C1QTNF5: variants seen among roughly 807,000 people sequenced by gnomAD.
C1QTNF5 encodes the protein complement C1q tumor necrosis factor-related protein 5.
C1QTNF5 carries 5 observed loss-of-function variants against 10.9 expected under a neutral mutation model. The ratio of observed to expected loss-of-function variants is 0.46; its 90% CI spans 0.24 to 0.97. C1QTNF5 has a LOEUF of 0.97. C1QTNF5 is among the 50% of genes least tolerant of loss of function. C1QTNF5 has a pLI of 0.19. For synonymous variants in C1QTNF5, 161 were observed against 156.5 expected (o/e 1.03, Z -0.22); for missense variants, 281 against 339.4 (o/e 0.83, Z 1.35).
upstream of C1QTNF5, chr11:119,344,284 C>G (rs749992152): frequency 1.0e-5 from 16 of 1,602,894 alleles, no homozygotes; most frequent in Non-Finnish European, 1.3e-5. Flanking sequence ...CGTGTGTGCC[C>G]CTCCCGTTCT....
Position 119,340,200 on chromosome 11 carries a change from G to A in C1QTNF5, c.198C>T (p.Gly66=), listed in dbSNP as rs932268494. The change falls in exon 2 of 3, where the codon GGC becomes GGT. Residue 66 remains glycine (G), a synonymous_variant. Coordinates refer to ENST00000528368, the MANE Select transcript of C1QTNF5 (RefSeq NM_001278431.2). ...CCTTCTTACCCGGCCTCCCGCCCTC[G>A]CCTTTCTCTCCCGGAGCCCCGGGCG... ...DGAPGAPGEK[G]EGGRPGLPGP... 3.3e-6 allele frequency: 5 copies of A among 1,516,012 alleles called. No individual in the cohort carries two copies. The highest frequency in any genetic ancestry group is 4.3e-5 in the Admixed American group (2 of 46,920). 93.9% of individuals were successfully genotyped at this position (1,516,012 alleles called of 1,614,324 possible). A position where few individuals can be genotyped will look rare whatever the true frequency, so the allele number is the denominator to read the frequency against.
At chr11:119,343,157 A>G (rs1458727104), upstream of C1QTNF5, among the ~76,000 whole-genome samples, 1 of 152,178 alleles carries the variant, frequency 6.6e-6, no homozygotes, top group African/African-American at 2.4e-5. Flanking sequence ...AGACACATAT[A>G]TTCAACAGGG....
Position 119,340,278 on chromosome 11 carries a change from G to A in C1QTNF5, c.120C>T (p.His40=). 6.5e-7 allele frequency: 1 copy of A among 1,528,642 alleles called. No homozygotes were observed. The highest frequency in any genetic ancestry group is 8.8e-7 in the Non-Finnish European group (1 of 1,139,844). The allele number at this position is 1,528,642 out of a possible 1,614,324, so 94.7% of individuals were successfully genotyped here. Residue 40 remains histidine (H), a synonymous_variant, in exon 2 of 3, where the codon CAC becomes CAT. Coordinates refer to ENST00000528368, the MANE Select transcript of C1QTNF5 (RefSeq NM_001278431.2). ...GGCCCGGCAAGCCCTGGCTGCCATGGTGGCCCGGCGTGCCTGGAAGGCCGG... is the reference window on the plus strand; with the variant it reads ...GGCCCGGCAAGCCCTGGCTGCCATGATGGCCCGGCGTGCCTGGAAGGCCGG... ...GHPGLPGTPG[H]HGSQGLPGRD... is the part of the protein sequence containing the mutation.
At position 119,340,769 on chromosome 11, in the gene C1QTNF5, C is replaced by T. The variant is rs984908532; in HGVS notation, c.-118G>A. 3.7e-6 allele frequency: 1 copy of T among 269,030 alleles called. No homozygotes were observed. Among genetic ancestry groups the T allele is most frequent in the Non-Finnish European group, 7.1e-6 (1 of 140,892 alleles). 16.7% of individuals were successfully genotyped at this position (269,030 alleles called of 1,614,324 possible). On this transcript the variant is annotated 5_prime_UTR_variant, in exon 1 of 3. Transcript: ENST00000528368. ...GACCCTCCAGTTGGTGGTGCTCCAG[C>T]CCCCGCGCTTCTCCCCGGCCAGGCG...
At chr11:119,345,119 G>A, upstream of C1QTNF5, 1 of 1,382,416 alleles carries the variant, frequency 7.2e-7, no homozygotes, top group Non-Finnish European at 9.9e-7. Flanking sequence ...TGACCATGTG[G>A]TCAAAAAGGC....
upstream of C1QTNF5, chr11:119,342,686 A>G (rs937108029): frequency 1.3e-5 from 21 of 1,612,902 alleles, no homozygotes; most frequent in Non-Finnish European, 1.6e-5. Context: ...ACACCCTTAC[A>G]CCCTCCTGCC....
chr11:119,346,650 T>C, the C1QTNF5 span: 3 of 849,124 alleles, frequency 3.5e-6, no homozygotes, highest in East Asian at 2.6e-5. Flanking sequence ...GCTAGACCAG[T>C]TCTTGGGCTG....
chr11:119,344,409 G>T, upstream of C1QTNF5: 4 of 1,611,388 alleles, frequency 2.5e-6, no homozygotes, highest in South Asian at 1.1e-5. Flanking sequence ...GAGGTGGAAG[G>T]GCTCATGAGT....
chr11:119,339,601 G>A lies in C1QTNF5; in HGVS notation c.462C>T (p.Ala154=), dbSNP rs1207661449. ...TCQVPGVYYF[A]VHATVYRASL... ...TGGCCCGGTAGACGGTGGCATGGAC[G>A]GCGAAGTAGTAGACCCCAGGCACCT... The change falls in exon 3 of 3, where the codon GCC becomes GCT. Residue 154 remains alanine (A), a synonymous_variant. Transcript: ENST00000528368. This position sits in a 1 kb window ranked among gnomAD's most constrained non-coding sequence, Gnocchi z 5.4. 1 of 1,613,140 alleles carries A rather than the reference G, an allele frequency of 6.2e-7. No homozygotes were observed.
the C1QTNF5 span, chr11:119,346,663 C>T: frequency 1.3e-6 from 1 of 776,930 alleles, no homozygotes; most frequent in Non-Finnish European, 2.2e-6. Context: ...TTGGGCTGTC[C>T]TTGGTAGAGT....
At chr11:119,344,058 G>A, upstream of C1QTNF5, 1 of 1,522,616 alleles carries the variant, frequency 6.6e-7, no homozygotes. Context: ...GCTGGCTGGG[G>A]GGATGGGGTG....
At chr11:119,344,872 A>C (rs901701142), upstream of C1QTNF5, 5 of 1,613,182 alleles carry the variant, frequency 3.1e-6, no homozygotes, top group Non-Finnish European at 3.4e-6. Flanking sequence ...GAACACACTC[A>C]CCGCGCCCAG....
Position 119,340,701 on chromosome 11 carries a change from T to G in C1QTNF5, c.-50A>C. ...CCTCCTCCGCCAGACTCACCCCCCCTCCCGGCTCCCCGATGGCCTCCTTCG... is the reference window on the plus strand; with the variant it reads ...CCTCCTCCGCCAGACTCACCCCCCCGCCCGGCTCCCCGATGGCCTCCTTCG... On this transcript the variant is annotated 5_prime_UTR_variant, in exon 1 of 3. Coordinates refer to ENST00000528368, the MANE Select transcript of C1QTNF5 (RefSeq NM_001278431.2). The G allele has an allele frequency of 3.2e-6, 1 of 309,536 alleles. No individual in the cohort carries two copies. Among genetic ancestry groups the G allele is most frequent in the Non-Finnish European group, 5.5e-6 (1 of 181,698 alleles). 19.2% of individuals were successfully genotyped at this position (309,536 alleles called of 1,614,324 possible).
chr11:119,340,667 C>T (rs1950493947), intron 1 of C1QTNF5, 28 bp downstream of exon 1: 1 of 499,748 alleles, frequency 2.0e-6, no homozygotes, highest in Non-Finnish European at 3.5e-6. Flanking sequence ...CCCTCCCCAG[C>T]CCCTTTCCCC....
At position 119,340,455 on chromosome 11, in the gene C1QTNF5, G is replaced by T; in HGVS notation, c.-43-15C>A. On this transcript the variant is annotated splice_polypyrimidine_tract_variant and intron_variant, in intron 1 of 2. Coordinates refer to ENST00000528368, the MANE Select transcript of C1QTNF5 (RefSeq NM_001278431.2). ...CCTCTCGCAGTCTGTGGACCAGGCA[G>T]GACTGGAGTCGGGACCCAGAATCCT... is the stretch of plus-strand genomic sequence containing the variant. The T allele has an allele frequency of 6.6e-7, 1 of 1,510,680 alleles. No individual in the cohort carries two copies. The highest frequency in any genetic ancestry group is 1.2e-5 in the South Asian group (1 of 82,954). 93.6% of individuals were successfully genotyped at this position (1,510,680 alleles called of 1,614,324 possible). A position where few individuals can be genotyped will look rare whatever the true frequency, so the allele number is the denominator to read the frequency against.
chr11:119,339,613 G>C lies in C1QTNF5; in HGVS notation c.450C>G (p.Val150=), dbSNP rs1216321606. ...TGKFTCQVPG[V]YYFAVHATVY... ...CGGTGGCATGGACGGCGAAGTAGTA[G>C]ACCCCAGGCACCTGGCAGGTGAACT... The change falls in exon 3 of 3, where the codon GTC becomes GTG. Residue 150 remains valine, a synonymous_variant. Transcript: ENST00000528368. The surrounding 1 kb of genome is among the most constrained non-coding windows in gnomAD (Gnocchi z 5.4). 1 of 1,613,150 alleles carries C rather than the reference G, an allele frequency of 6.2e-7. No individual in the cohort carries two copies. Among genetic ancestry groups the C allele is most frequent in the East Asian group, 2.2e-5 (1 of 44,882 alleles).
chr11:119,342,997 A>G (rs2135369577), upstream of C1QTNF5: 1 of 1,603,646 alleles, frequency 6.2e-7, no homozygotes, highest in Non-Finnish European at 8.5e-7. Context: ...GCTCTGCTCC[A>G]CAGAACCTGC....
the C1QTNF5 span, chr11:119,346,197 G>C: frequency 3.8e-6 from 6 of 1,568,324 alleles, no homozygotes; most frequent in Non-Finnish European, 5.2e-6. Context: ...AGCCCCTTCT[G>C]TTGGGTATTC....
Position 119,339,127 on chromosome 11 carries a change from T to C in C1QTNF5, c.*204A>G. 1 of 617,204 alleles carries C rather than the reference T, an allele frequency of 1.6e-6. No individual in the cohort carries two copies. 38.2% of individuals were successfully genotyped at this position (617,204 alleles called of 1,614,324 possible). A position where few individuals can be genotyped will look rare whatever the true frequency, so the allele number is the denominator to read the frequency against. ...ACACTCCTCTGGTCTTGGGCAGAAA[T>C]CCAGCCACTGCCCCATGCTGCCAGA... On this transcript the variant is annotated 3_prime_UTR_variant, in exon 3 of 3. Coordinates refer to ENST00000528368, the MANE Select transcript of C1QTNF5 (RefSeq NM_001278431.2). The surrounding 1 kb of genome is among the most constrained non-coding windows in gnomAD (Gnocchi z 5.4).
Sources: allele counts gnomAD v4.1 joint callset (sites outside exome capture counted in the v4.1 genomes callset), GRCh38; gene constraint gnomAD v4.1.1; non-coding constraint Gnocchi (gnomAD v3.1); transcripts MANE v1.5; gene names NCBI Gene and HGNC (gene_info 2026-07-23, HGNC 2026-07-21).